The following ZBED1 variants were observed in gnomAD, a reference collection of about 807,000 sequenced individuals.
ZBED1 encodes the protein E3 SUMO-protein ligase ZBED1.
Under a neutral mutation model 49.7 loss-of-function variants are expected in ZBED1, and 19 were observed. The observed-to-expected ratio is 0.38, with a 90% CI of 0.27 to 0.56. The LOEUF (loss-of-function observed/expected upper bound fraction) is 0.56, where lower values mean the gene tolerates loss of function less well. Among genes scored for constraint, ZBED1 ranks in the 20% least tolerant of loss-of-function variants. The pLI, the probability that ZBED1 is intolerant of heterozygous loss-of-function variation, is 0.70. For synonymous variants in ZBED1, 439 were observed against 440.3 expected (o/e 1.00, Z 0.04); for missense variants, 806 against 972.6 (o/e 0.83, Z 2.28).
chrX:2,498,201 G>C (rs937110358), intron 1 of ZBED1, among the ~76,000 whole-genome samples: 9 of 152,090 alleles, frequency 5.9e-5, no homozygotes, highest in Admixed American at 4.6e-4. Context: ...TCCTTTGTAC[G>C]ATACCTAAGA....
chrX:2,493,306 T>C (rs2045204207), intron 1 of ZBED1, among the ~76,000 whole-genome samples: 1 of 152,102 alleles, frequency 6.6e-6, no homozygotes, highest in Non-Finnish European at 1.5e-5. Context: ...CACAGCTGTA[T>C]CAGATCCTCC....
chrX:2,488,683 A>G lies in ZBED1; in HGVS notation c.2037T>C (p.Asp679=), dbSNP rs1480313684. The G allele has an allele frequency of 6.2e-7, 1 of 1,612,694 alleles. No individual in the cohort carries two copies. Residue 679 remains aspartate (D), a synonymous_variant, in exon 2 of 2, where the codon GAT becomes GAC. Transcript: ENST00000652001. ...TGCCAAAGAAACCGCCGCTGACGCC[A>G]TCCCCCAAGGAGAACACCTGCTCCT... ...LDQEQVFSLG[D]GVSGGFFGIR...
chrX:2,491,719 G>A (rs376368677), intron 1 of ZBED1, among the ~76,000 whole-genome samples: 99 of 152,346 alleles, frequency 6.5e-4, no homozygotes, highest in African/African-American at 2.3e-3. Flanking sequence ...GTCTGAAGAA[G>A]CATGGATTTC....
At chrX:2,498,625 G>GGAA (rs1556035826) in intron 1 of ZBED1, among the ~76,000 whole-genome samples, 7 of 128,758 alleles carry the variant, frequency 5.4e-5, no homozygotes, top group Admixed American at 2.4e-4. Context: ...CAGTAAATGG[G>GGAA]AAAAAAAAAA....
Position 2,488,800 on chromosome X carries a change from G to A in ZBED1, c.1920C>T (p.His640=), listed in dbSNP as rs752860898. ...CATACAGAAACACCTGCTCGTCCAC[G>A]TGCGCGGGAGCCAGCCGGTTCCTCT... ...SAKRNRLAPA[H]VDEQVFLYEN... is the part of the protein sequence containing the mutation. The change falls in exon 2 of 2, where the codon CAC becomes CAT. Residue 640 remains histidine, a synonymous_variant. Coordinates refer to ENST00000652001, the MANE Select transcript of ZBED1 (RefSeq NM_001171136.2). The A allele has an allele frequency of 5.6e-6, 9 of 1,613,868 alleles. No homozygotes were observed. The highest frequency in any genetic ancestry group is 1.1e-5 in the South Asian group (1 of 91,066).
At chrX:2,492,969 C>T (rs1272702633) in intron 1 of ZBED1, among the ~76,000 whole-genome samples, 3 of 152,232 alleles carry the variant, frequency 2.0e-5, no homozygotes, top group Admixed American at 2.0e-4. Context: ...TCGCGGCCTG[C>T]GTTGCTGGCT....
chrX:2,491,623 A>C (rs1292797011), intron 1 of ZBED1, among the ~76,000 whole-genome samples: 2 of 152,154 alleles, frequency 1.3e-5, no homozygotes, highest in East Asian at 3.8e-4. Flanking sequence ...CCTATGGCTA[A>C]GAGGCACTGC....
intron 1 of ZBED1, among the ~76,000 whole-genome samples, chrX:2,497,279 G>A (rs1218954659): frequency 6.6e-6 from 1 of 152,160 alleles, no homozygotes; most frequent in Non-Finnish European, 1.5e-5. Context: ...TGTAATCCCA[G>A]CTACTCGGGA....
rs771189505 is a variant in ZBED1, at chrX:2,489,120, G to C, written c.1600C>G (p.Arg534Gly). The C allele has an allele frequency of 1.9e-6, 3 of 1,613,398 alleles. No individual in the cohort carries two copies. Among genetic ancestry groups the C allele is most frequent in the Non-Finnish European group, 2.5e-6 (3 of 1,179,848 alleles). The stretch of plus-strand genomic sequence containing the variant: ...CTGGCGGGCGGCGGCGTGGATGTCC[G>C]CATGAGCTTCTTGACGGGAGGCTCC... ...PEEPPVKKLMRTSTPPPASVI... is the reference protein window; with the variant it reads ...PEEPPVKKLMGTSTPPPASVI... Residue 534 changes from arginine (R) to glycine (G), a missense_variant, in exon 2 of 2, where the codon CGG (arginine) becomes GGG (glycine). Transcript: ENST00000652001.
Position 2,489,147 on chromosome X carries a change from C to T in ZBED1, c.1573G>A (p.Glu525Lys), listed in dbSNP as rs753439016. 4.3e-6 allele frequency: 7 copies of T among 1,613,470 alleles called. No individual in the cohort carries two copies. The East Asian group carries it at 1.1e-4, about 26-fold the overall frequency. The change falls in exon 2 of 2, where the codon GAG (glutamate) becomes AAG (lysine). Residue 525 changes from glutamate (E) to lysine (K), a missense_variant. Physicochemically the swap from Glu to Lys is moderately conservative, Grantham distance 56 (BLOSUM62 1). This residue lies in a region of ZBED1 where 749 missense variants were observed against 861.3 expected (regional missense o/e 0.87). Coordinates refer to ENST00000652001, the MANE Select transcript of ZBED1 (RefSeq NM_001171136.2). ...ATGAGCTTCTTGACGGGAGGCTCCTCGGGCACCGGGAAGATCTTGTCCTCA... is the reference window on the plus strand; with the variant it reads ...ATGAGCTTCTTGACGGGAGGCTCCTTGGGCACCGGGAAGATCTTGTCCTCA... Reference protein sequence around the residue: ...PAEDKIFPVPEEPPVKKLMRT... With the variant: ...PAEDKIFPVPKEPPVKKLMRT...
intron 1 of ZBED1, among the ~76,000 whole-genome samples, chrX:2,497,568 A>G (rs1258943538): frequency 2.6e-5 from 4 of 152,196 alleles, no homozygotes; most frequent in Non-Finnish European, 5.9e-5. Flanking sequence ...GCCAGTTGGC[A>G]TATTTTTTGT....
intron 1 of ZBED1, among the ~76,000 whole-genome samples, chrX:2,493,500 C>T (rs184659057): frequency 2.8e-4 from 43 of 151,242 alleles, no homozygotes; most frequent in African/African-American, 9.9e-4. Flanking sequence ...TGGCTGAAAG[C>T]GGTTCTGGAA....
intron 1 of ZBED1, among the ~76,000 whole-genome samples, chrX:2,493,279 C>T (rs142853109): frequency 2.8e-4 from 43 of 152,230 alleles, no homozygotes; most frequent in African/African-American, 9.6e-4. Context: ...CTCCTAAGTC[C>T]GACCTGAGTG....
rs188072645 is a variant in ZBED1, at chrX:2,500,146, T to C, written c.-54+671A>G. ...CAGACAGTGAACGAGTCCTGCAAAGTTGGAGATCTGTGACTCAGAGATGTT... is the reference window on the plus strand; with the variant it reads ...CAGACAGTGAACGAGTCCTGCAAAGCTGGAGATCTGTGACTCAGAGATGTT... On this transcript the variant is annotated intron_variant, in intron 1 of 1. Transcript: ENST00000652001. Among the ~76,000 whole-genome samples, 717 of 152,290 alleles carry C rather than the reference T, an allele frequency of 4.7e-3. 4 individuals are homozygous for C. Among genetic ancestry groups the C allele is most frequent in the Non-Finnish European group, 8.0e-3 (546 of 68,018 alleles).
At position 2,486,719 on chromosome X, in the gene ZBED1, G is replaced by C. The variant is rs182611885; in HGVS notation, c.*1916C>G. The C allele has an allele frequency of 1.3e-5, 2 of 152,412 alleles. No individual in the cohort carries two copies. The highest frequency in any genetic ancestry group is 4.8e-5 in the African/African-American group (2 of 41,584). 9.4% of individuals were successfully genotyped at this position (152,412 alleles called of 1,614,324 possible). ...CTGCCCCACTGTGTCCCTTCCAGCT[G>C]CCCTTCTGCCGAGAACACCCGGAGC... On this transcript the variant is annotated 3_prime_UTR_variant, in exon 2 of 2. Transcript: ENST00000652001.
intron 1 of ZBED1, among the ~76,000 whole-genome samples, chrX:2,500,028 AAATAAT>A (rs1205051124): frequency 6.6e-6 from 1 of 152,124 alleles, no homozygotes. Context: ...CTATTACAAA[AAATAAT>A]AATAATAATA....
At position 2,490,359 on chromosome X, in the gene ZBED1, T is replaced by C. The variant is rs1039488378; in HGVS notation, c.361A>G (p.Lys121Glu). 6.2e-7 allele frequency: 1 copy of C among 1,613,344 alleles called. No homozygotes were observed. Among genetic ancestry groups the C allele is most frequent in the Non-Finnish European group, 8.5e-7 (1 of 1,179,816 alleles). Residue 121 changes from lysine to glutamate, a missense_variant, in exon 2 of 2, where the codon AAG becomes GAG. By Grantham distance (56) the Lys-to-Glu change is moderately conservative (BLOSUM62 1). Coordinates refer to ENST00000652001, the MANE Select transcript of ZBED1 (RefSeq NM_001171136.2). ...GCGGCCGTCAGCTCCTGCTGCTTCT[T>C]GCTGTCGTAGCCGTGGCCGGCCTTG... ...AVKAGHGYDS[K>E]KQQELTAAVL... is the part of the protein sequence containing the mutation.
chrX:2,490,519 C>T lies in ZBED1; in HGVS notation c.201G>A (p.Leu67=). Residue 67 remains leucine, a synonymous_variant, in exon 2 of 2, where the codon CTG becomes CTA. Transcript: ENST00000652001. ...AGAATTCCTCGGGGTGGTTCTTCTC[C>T]AGGTGGTAGGACAGGTTGGAGGTGT... ...SGNTSNLSYH[L]EKNHPEEFCE... 6.2e-7 allele frequency: 1 copy of T among 1,613,974 alleles called. No individual in the cohort carries two copies. Among genetic ancestry groups the T allele is most frequent in the South Asian group, 1.1e-5 (1 of 91,078 alleles).
At position 2,486,578 on chromosome X, in the gene ZBED1, G is replaced by A. The variant is rs1044307; in HGVS notation, c.*2057C>T. The A allele has an allele frequency of 0.63, 95,464 of 152,028 alleles. 31,695 individuals carry two copies. The highest frequency in any genetic ancestry group is 0.85 in the African/African-American group (35,437 of 41,512). The allele number at this position is 152,028 out of a possible 1,614,324, so 9.4% of individuals were successfully genotyped here. On this transcript the variant is annotated 3_prime_UTR_variant, in exon 2 of 2. Transcript: ENST00000652001. ...CATTTCCACGTGAGTGAGGAAAAGCGAAGGATTGTTAGAGACGTGAAGAGA... is the reference window on the plus strand; with the variant it reads ...CATTTCCACGTGAGTGAGGAAAAGCAAAGGATTGTTAGAGACGTGAAGAGA...
Sources: allele counts gnomAD v4.1 joint callset (sites outside exome capture counted in the v4.1 genomes callset), GRCh38; gene constraint gnomAD v4.1.1; regional missense constraint gnomAD v4.1.1; transcripts MANE v1.5; gene names NCBI Gene and HGNC (gene_info 2026-07-23, HGNC 2026-07-21).